GABRG2: variants seen among roughly 807,000 people sequenced by gnomAD.
GABRG2 encodes gamma-aminobutyric acid type A receptor subunit gamma2, also known as gamma-aminobutyric acid receptor subunit gamma-2.
Under a neutral mutation model 56.4 loss-of-function variants are expected in GABRG2, and 16 were observed. That is an observed-to-expected ratio of 0.28 (90% confidence interval 0.19 to 0.43). The LOEUF (loss-of-function observed/expected upper bound fraction) is 0.43. Among genes scored for constraint, GABRG2 ranks in the 20% least tolerant of loss-of-function variants. The probability of loss-of-function intolerance (pLI) is 1.00; values close to 1 mark genes in which losing one functional copy is unlikely to be tolerated. For missense variants in GABRG2, 327 were observed against 582.7 expected (o/e 0.56, Z 4.52); for synonymous variants, 208 against 205.5 (o/e 1.01, Z -0.10).
intron 7 of GABRG2, 130 bp downstream of exon 7, chr5:162,142,446 A>T (rs1255748547): frequency 1.0e-6 from 1 of 989,668 alleles, no homozygotes; most frequent in African/African-American, 1.6e-5. Flanking sequence ...TTTGTTTCAT[A>T]TTCAAGAGAA....
At position 162,071,573 on chromosome 5, in the gene GABRG2, G is replaced by T. The variant is rs957043743; in HGVS notation, c.107+3467G>T. Among the ~76,000 whole-genome samples the T allele has an allele frequency of 2.2e-4, 33 of 151,900 alleles. 1 individual carries two copies. Among genetic ancestry groups the T allele is most frequent in the Admixed American group, 1.2e-3 (18 of 15,228 alleles). On this transcript the variant is annotated intron_variant, in intron 1 of 9. Coordinates refer to ENST00000639213, the MANE Select transcript of GABRG2 (RefSeq NM_198904.4). ...CTACCTAAACAAAGATGCTTTTGAT[G>T]ATGTTTCTTATGAGCTGCTAAAGTG...
chr5:162,131,689 T>C (rs1002838513), intron 6 of GABRG2, among the ~76,000 whole-genome samples: 9 of 152,008 alleles, frequency 5.9e-5, no homozygotes, highest in African/African-American at 1.9e-4. Flanking sequence ...TAAAGACTTT[T>C]AACATGCATA....
intron 6 of GABRG2, among the ~76,000 whole-genome samples, chr5:162,107,037 G>C (rs1266725958): frequency 2.0e-5 from 3 of 151,990 alleles, no homozygotes; most frequent in Non-Finnish European, 4.4e-5. Context: ...CTCAGTGTCT[G>C]TTGTTCCCTT....
intron 7 of GABRG2, among the ~76,000 whole-genome samples, chr5:162,143,265 T>C (rs536605061): frequency 1.3e-5 from 2 of 152,314 alleles, no homozygotes; most frequent in East Asian, 3.9e-4. Flanking sequence ...TCCCCACGAG[T>C]AATTATTGGG....
intron 5 of GABRG2, chr5:162,101,821 CAGAT>C (rs1308009040): frequency 6.3e-6 from 1 of 159,300 alleles, no homozygotes; most frequent in African/African-American, 2.4e-5. Context: ...TTATTTTTAT[CAGAT>C]AGATAATAGA....
chr5:162,142,564 C>T (rs1323747214), intron 7 of GABRG2: 2 of 397,230 alleles, frequency 5.0e-6, no homozygotes, highest in Non-Finnish European at 9.6e-6. Flanking sequence ...GAATACTATG[C>T]AGCCATAAAA....
intron 7 of GABRG2, among the ~76,000 whole-genome samples, chr5:162,145,689 T>C (rs910951980): frequency 3.3e-5 from 5 of 152,182 alleles, no homozygotes; most frequent in Admixed American, 6.5e-5. Context: ...TTAACTTGCA[T>C]GTCAAAATTT....
chr5:162,109,407 TATATATATA>T (rs1561647229), intron 6 of GABRG2, among the ~76,000 whole-genome samples: 1 of 139,390 alleles, frequency 7.2e-6, no homozygotes, highest in African/African-American at 2.7e-5. Context: ...TATATATATA[TATATATATA>T]TATATATTTA....
chr5:162,131,139 A>G (rs965016884), intron 6 of GABRG2, among the ~76,000 whole-genome samples: 1 of 151,990 alleles, frequency 6.6e-6, no homozygotes, highest in Non-Finnish European at 1.5e-5. Flanking sequence ...TCAGGAAAAA[A>G]TGAGGGAAGA....
intron 7 of GABRG2, among the ~76,000 whole-genome samples, chr5:162,146,143 A>G (rs1293889116): frequency 6.6e-6 from 1 of 152,044 alleles, no homozygotes; most frequent in African/African-American, 2.4e-5. Flanking sequence ...GATAATATGG[A>G]AGACGCCAGA....
intron 6 of GABRG2, among the ~76,000 whole-genome samples, chr5:162,118,211 G>A (rs1439369943): frequency 6.6e-6 from 1 of 150,674 alleles, no homozygotes; most frequent in Non-Finnish European, 1.5e-5. Context: ...GATGGTGTGT[G>A]TGTGTGTGTG....
chr5:162,143,530 A>G (rs1262072356), intron 7 of GABRG2, among the ~76,000 whole-genome samples: 1 of 152,200 alleles, frequency 6.6e-6, no homozygotes, highest in Non-Finnish European at 1.5e-5. Flanking sequence ...AAATAAAGCT[A>G]GTGGACGTGA....
At chr5:162,077,518 G>A (rs527730342) in intron 1 of GABRG2, among the ~76,000 whole-genome samples, 2 of 152,216 alleles carry the variant, frequency 1.3e-5, no homozygotes, top group African/African-American at 4.8e-5. Flanking sequence ...ATGTAGCATA[G>A]ATGTATTTTA....
Position 162,108,233 on chromosome 5 carries a change from C to T in GABRG2, c.769+4207C>T, listed in dbSNP as rs530547795. Among the ~76,000 whole-genome samples the T allele has an allele frequency of 2.6e-5, 4 of 152,160 alleles. No individual in the cohort carries two copies. The South Asian group carries it at 8.3e-4, about 32-fold the overall frequency. On this transcript the variant is annotated intron_variant, in intron 6 of 9. Transcript: ENST00000639213. The stretch of plus-strand genomic sequence containing the variant: ...CTTAATCACAACACTATTTGACTCC[C>T]ATCATGGCCCAGTGAGCTGATATAT...
chr5:162,124,033 T>A (rs552127581), intron 6 of GABRG2, among the ~76,000 whole-genome samples: 1 of 151,984 alleles, frequency 6.6e-6, no homozygotes, highest in East Asian at 1.9e-4. Flanking sequence ...GTTAAAGCAA[T>A]GCTCAGTAGA....
intron 6 of GABRG2, among the ~76,000 whole-genome samples, chr5:162,109,711 T>A (rs1309009088): frequency 6.6e-6 from 1 of 152,068 alleles, no homozygotes; most frequent in South Asian, 2.1e-4. Flanking sequence ...CTATTATATA[T>A]ATTTTCCATT....
intron 2 of GABRG2, 25 bp from the exon 3 acceptor site, chr5:162,095,470 C>G (rs1221677714): frequency 6.8e-7 from 1 of 1,471,304 alleles, no homozygotes; most frequent in Non-Finnish European, 9.5e-7. Context: ...TCTATGTGCA[C>G]ACATTTCTAT....
At chr5:162,107,743 A>C (rs888715600) in intron 6 of GABRG2, among the ~76,000 whole-genome samples, 1 of 152,222 alleles carries the variant, frequency 6.6e-6, no homozygotes, top group Non-Finnish European at 1.5e-5. Flanking sequence ...GTAGAAGAAC[A>C]ACCATTGCCC....
intron 1 of GABRG2, among the ~76,000 whole-genome samples, chr5:162,091,268 C>A (rs1249742281): frequency 2.6e-5 from 4 of 151,756 alleles, no homozygotes; most frequent in African/African-American, 9.6e-5. Context: ...TCAGTGGTCA[C>A]TTTATAAAAT....
Sources: allele counts gnomAD v4.1 joint callset (sites outside exome capture counted in the v4.1 genomes callset), GRCh38; gene constraint gnomAD v4.1.1; transcripts MANE v1.5; gene names NCBI Gene and HGNC (gene_info 2026-07-23, HGNC 2026-07-21).